KIAA1958: variants seen among roughly 807,000 people sequenced by gnomAD.
The protein encoded by KIAA1958 is uncharacterized protein KIAA1958.
A neutral mutation model predicts 47.2 loss-of-function variants in KIAA1958; 14 were observed. That is an observed-to-expected ratio of 0.30 (90% CI 0.20 to 0.46). The LOEUF (loss-of-function observed/expected upper bound fraction) is 0.46, where lower values mean the gene tolerates loss of function less well. Among genes scored for constraint, KIAA1958 ranks in the 20% least tolerant of loss-of-function variants. KIAA1958 has a pLI of 1.00. For missense variants in KIAA1958, 803 were observed against 909.2 expected, an observed-to-expected ratio of 0.88 and a Z score of 1.50; for synonymous variants, 354 against 353.3, an observed-to-expected ratio of 1.00 and a Z score of -0.02.
intron 2 of KIAA1958, among the ~76,000 whole-genome samples, chr9:112,628,168 G>T (rs16917155): frequency 0.032 from 4,842 of 152,232 alleles, 132 homozygotes; most frequent in East Asian, 0.13. Flanking sequence ...TTGATGCAGG[G>T]TTTCCTTCTG....
intron 1 of KIAA1958, among the ~76,000 whole-genome samples, chr9:112,503,628 A>AG (rs1834183080): frequency 6.6e-6 from 1 of 151,258 alleles, no homozygotes; most frequent in South Asian, 2.1e-4. Flanking sequence ...AAAAAAAAAA[A>AG]AAAAAAAAGG....
Position 112,659,860 on chromosome 9 carries a change from G to A in KIAA1958, c.1942G>A (p.Ala648Thr). 1 of 1,614,110 alleles carries A rather than the reference G, an allele frequency of 6.2e-7. No individual in the cohort carries two copies. Among genetic ancestry groups the A allele is most frequent in the Non-Finnish European group, 8.5e-7 (1 of 1,180,002 alleles). ...YIHRPPTQME[A>T]KSPFYLTARK... ...CCACCGGCCGCCCACCCAAATGGAG[G>A]CCAAGTCCCCCTTCTACCTGACTGC... Residue 648 changes from alanine to threonine, a missense_variant, in exon 4 of 4, where the codon GCC becomes ACC. Ala to Thr is a moderately conservative substitution (Grantham distance 58, BLOSUM62 0). Around this residue, in one of 2 missense-constraint regions of KIAA1958, gnomAD observed 761 missense variants for 829.3 expected, o/e 0.92. Coordinates refer to ENST00000337530, the MANE Select transcript of KIAA1958 (RefSeq NM_133465.4).
At chr9:112,545,004 ACT>A (rs1835004092) in intron 1 of KIAA1958, among the ~76,000 whole-genome samples, 1 of 152,008 alleles carries the variant, frequency 6.6e-6, no homozygotes, top group Non-Finnish European at 1.5e-5. Flanking sequence ...GCGATCAAAA[ACT>A]CTGCTTAGGA....
intron 1 of KIAA1958, among the ~76,000 whole-genome samples, chr9:112,543,921 A>G (rs191854187): frequency 3.9e-5 from 6 of 152,276 alleles, no homozygotes; most frequent in African/African-American, 1.2e-4. Context: ...TGTGTAGAAG[A>G]TGCCTAAAGT....
At chr9:112,510,107 G>T (rs946039573) in intron 1 of KIAA1958, among the ~76,000 whole-genome samples, 1 of 151,966 alleles carries the variant, frequency 6.6e-6, no homozygotes. Context: ...TGGAGACCTT[G>T]TAAGATCAGT....
intron 1 of KIAA1958, among the ~76,000 whole-genome samples, chr9:112,502,492 A>G (rs1834159295): frequency 6.6e-6 from 1 of 152,230 alleles, no homozygotes; most frequent in Non-Finnish European, 1.5e-5. Flanking sequence ...AAGTAATTGT[A>G]TCAGTTTATA....
chr9:112,630,588 T>C (rs1254019214), intron 2 of KIAA1958, among the ~76,000 whole-genome samples: 3 of 152,252 alleles, frequency 2.0e-5, no homozygotes, highest in Non-Finnish European at 4.4e-5. Flanking sequence ...TAATTCTCCA[T>C]GTACCATTTA....
chr9:112,570,412 C>T (rs1483473347), intron 1 of KIAA1958, among the ~76,000 whole-genome samples: 2 of 152,132 alleles, frequency 1.3e-5, no homozygotes, highest in African/African-American at 2.4e-5. Flanking sequence ...ACTTGCTGCA[C>T]TTGTATTTGG....
At chr9:112,560,487 G>C (rs1588018088) in intron 1 of KIAA1958, among the ~76,000 whole-genome samples, 1 of 152,108 alleles carries the variant, frequency 6.6e-6, no homozygotes, top group Non-Finnish European at 1.5e-5. Flanking sequence ...ACCACACCTG[G>C]CCTTGCATTT....
chr9:112,552,722 G>C (rs1210122770), intron 1 of KIAA1958, among the ~76,000 whole-genome samples: 1 of 152,202 alleles, frequency 6.6e-6, no homozygotes, highest in African/African-American at 2.4e-5. Flanking sequence ...TTCTGGGGTT[G>C]CATGTGTAGG....
intron 2 of KIAA1958, among the ~76,000 whole-genome samples, chr9:112,598,454 G>T (rs986172667): frequency 1.3e-5 from 2 of 152,312 alleles, no homozygotes; most frequent in East Asian, 3.9e-4. Context: ...AATCCAGAAA[G>T]CTCATACACT....
intron 1 of KIAA1958, among the ~76,000 whole-genome samples, chr9:112,518,878 A>G (rs566463811): frequency 1.3e-4 from 20 of 152,154 alleles, no homozygotes; most frequent in African/African-American, 4.3e-4. Context: ...AAAAAAAAAA[A>G]AGCTAACATT....
intron 1 of KIAA1958, among the ~76,000 whole-genome samples, chr9:112,557,840 A>T (rs1049763261): frequency 6.6e-6 from 1 of 152,214 alleles, no homozygotes; most frequent in Non-Finnish European, 1.5e-5. Context: ...AAGACAGAAA[A>T]CATTTTTAAC....
chr9:112,491,111 C>T (rs10739359), intron 1 of KIAA1958, among the ~76,000 whole-genome samples: 77,687 of 152,002 alleles, frequency 0.51, 20,026 homozygotes, highest in South Asian at 0.59. Flanking sequence ...ACTACAGGCA[C>T]GTGCCATCAC....
chr9:112,618,576 G>A lies in KIAA1958; in HGVS notation c.1172-27074G>A, dbSNP rs1321503028. The A allele has an allele frequency of 6.4e-7, 1 of 1,550,616 alleles. No individual in the cohort carries two copies. Among genetic ancestry groups the A allele is most frequent in the Non-Finnish European group, 8.7e-7 (1 of 1,146,994 alleles). ...CAGGACTATAAGGAGTATGCCCAGC[G>A]GCGGCCTCCCGCCATGCGCTACGAG... On this transcript the variant is annotated intron_variant, in intron 2 of 3. Coordinates refer to ENST00000337530, the MANE Select transcript of KIAA1958 (RefSeq NM_133465.4). The surrounding 1 kb of genome is among the most constrained non-coding windows in gnomAD (Gnocchi z 7.1).
chr9:112,503,406 C>A (rs1834178349), intron 1 of KIAA1958, among the ~76,000 whole-genome samples: 1 of 151,930 alleles, frequency 6.6e-6, no homozygotes, highest in South Asian at 2.1e-4. Flanking sequence ...TTAATCCCAG[C>A]ACTTTGGCAG....
intron 2 of KIAA1958, among the ~76,000 whole-genome samples, chr9:112,625,328 A>AT (rs796179729): frequency 6.6e-6 from 1 of 151,904 alleles, no homozygotes; most frequent in East Asian, 1.9e-4. Context: ...ATTTTTAAAA[A>AT]TTTTTTGTAG....
intron 1 of KIAA1958, among the ~76,000 whole-genome samples, chr9:112,544,055 T>A (rs1354012174): frequency 2.0e-5 from 3 of 152,202 alleles, no homozygotes; most frequent in Non-Finnish European, 4.4e-5. Context: ...ATGTCTCTAT[T>A]GTCTTAGTAA....
rs530071047 is a variant in KIAA1958 at position 112,550,905 on chromosome 9, T to C, written c.-24-23152T>C. ...GCTCAAGGCTACCAGCAAAATACTC[T>C]TATGAGGAAGATATTCCACAAACTT... On this transcript the variant is annotated intron_variant, in intron 1 of 3. Transcript: ENST00000337530. Among the ~76,000 whole-genome samples the C allele has an allele frequency of 3.7e-4, 56 of 152,294 alleles. 1 individual carries two copies. The South Asian group carries it at 0.011, about 31-fold the overall frequency.
Sources: allele counts gnomAD v4.1 joint callset (sites outside exome capture counted in the v4.1 genomes callset), GRCh38; gene constraint gnomAD v4.1.1; regional missense constraint gnomAD v4.1.1; non-coding constraint Gnocchi (gnomAD v3.1); transcripts MANE v1.5; gene names NCBI Gene and HGNC (gene_info 2026-07-23, HGNC 2026-07-21).